FHIT: variants seen among roughly 807,000 people sequenced by gnomAD.
FHIT encodes bis(5'-adenosyl)-triphosphatase.
FHIT carries 19 observed loss-of-function variants against 17.9 expected under a neutral mutation model. The ratio of observed to expected loss-of-function variants is 1.06; its 90% confidence interval spans 0.74 to 1.56. The LOEUF is 1.56. FHIT is among the 40% of genes most tolerant of loss of function. The pLI, the probability that FHIT is intolerant of heterozygous loss-of-function variation, is 0.00. For synonymous variants in FHIT, 81 were observed against 69.7 expected (o/e 1.16, Z -0.81); for missense variants, 248 against 189.2 (o/e 1.31, Z -1.82).
intron 7 of FHIT, 58 bp from the exon 8 acceptor site, chr3:59,922,472 T>A: frequency 7.1e-7 from 1 of 1,413,992 alleles, no homozygotes; most frequent in Non-Finnish European, 1.0e-6. Context: ...TTTTTAGACT[T>A]GACAGTGATG....
chr3:60,964,635 C>T (rs1553782460), intron 3 of FHIT, among the ~76,000 whole-genome samples: 1 of 152,130 alleles, frequency 6.6e-6, no homozygotes. Context: ...CTGGTGGTGA[C>T]AAAGTCTCTC....
intron 5 of FHIT, among the ~76,000 whole-genome samples, chr3:60,112,980 T>C (rs1361810859): frequency 6.6e-6 from 1 of 152,190 alleles, no homozygotes; most frequent in Non-Finnish European, 1.5e-5. Context: ...AGATGGACAA[T>C]CTGTTGAGTG....
At chr3:60,746,544 G>C (rs1323794282) in intron 4 of FHIT, among the ~76,000 whole-genome samples, 1 of 152,134 alleles carries the variant, frequency 6.6e-6, no homozygotes, top group African/African-American at 2.4e-5. Context: ...AAAGCTCAGT[G>C]TCTGCCAATC....
intron 5 of FHIT, among the ~76,000 whole-genome samples, chr3:60,053,821 C>G (rs1701979068): frequency 6.6e-6 from 1 of 152,140 alleles, no homozygotes; most frequent in Non-Finnish European, 1.5e-5. Flanking sequence ...CATATAACCT[C>G]ACATGATGTT....
At chr3:60,569,865 C>T (rs915370509) in intron 4 of FHIT, among the ~76,000 whole-genome samples, 1 of 150,444 alleles carries the variant, frequency 6.6e-6, no homozygotes, top group East Asian at 2.0e-4. Context: ...GATTCTCCTG[C>T]CTCATATATA....
intron 2 of FHIT, among the ~76,000 whole-genome samples, chr3:61,184,662 T>G (rs1030293344): frequency 1.3e-5 from 2 of 152,084 alleles, no homozygotes; most frequent in African/African-American, 4.8e-5. Context: ...CTAGCTCACA[T>G]CTATTGTGAT....
intron 4 of FHIT, among the ~76,000 whole-genome samples, chr3:60,662,972 T>C (rs1304178715): frequency 2.0e-5 from 3 of 151,552 alleles, no homozygotes; most frequent in African/African-American, 7.3e-5. Flanking sequence ...TGCTCTAGCA[T>C]CATTTGTTGA....
intron 3 of FHIT, among the ~76,000 whole-genome samples, chr3:60,979,954 C>A (rs1441632029): frequency 6.6e-6 from 1 of 152,210 alleles, no homozygotes; most frequent in East Asian, 1.9e-4. Flanking sequence ...TCATGTGATT[C>A]AACCTCATCT....
At chr3:60,863,353 G>A (rs528301491) in intron 3 of FHIT, among the ~76,000 whole-genome samples, 62 of 152,282 alleles carry the variant, frequency 4.1e-4, no homozygotes, top group African/African-American at 1.4e-3. Flanking sequence ...CTGATACCTC[G>A]ATTTTAGCCC....
At chr3:61,180,659 C>T (rs971474459) in intron 2 of FHIT, among the ~76,000 whole-genome samples, 4 of 152,166 alleles carry the variant, frequency 2.6e-5, no homozygotes, top group African/African-American at 9.7e-5. Context: ...AAAACTGATG[C>T]TACCTCAAAA....
chr3:61,080,023 A>G (rs2035087435), intron 2 of FHIT, among the ~76,000 whole-genome samples: 1 of 152,322 alleles, frequency 6.6e-6, no homozygotes, highest in Non-Finnish European at 1.5e-5. Context: ...CTCTTAAAGT[A>G]TTTCATTTTT....
chr3:59,928,041 G>C (rs1421819691), intron 7 of FHIT, among the ~76,000 whole-genome samples: 1 of 152,046 alleles, frequency 6.6e-6, no homozygotes, highest in Non-Finnish European at 1.5e-5. Context: ...TCATGGCGGG[G>C]GAAAGAGCAA....
chr3:59,854,936 T>G (rs1419122696), intron 8 of FHIT, among the ~76,000 whole-genome samples: 1 of 152,216 alleles, frequency 6.6e-6, no homozygotes, highest in Non-Finnish European at 1.5e-5. Context: ...ATCCTTCCAC[T>G]GACAGGAAGC....
intron 8 of FHIT, among the ~76,000 whole-genome samples, chr3:59,868,708 T>C (rs1381378520): frequency 6.6e-6 from 1 of 152,188 alleles, no homozygotes; most frequent in Non-Finnish European, 1.5e-5. Context: ...ATCGATTTGC[T>C]TCTCTGGGTA....
At chr3:60,690,314 T>C (rs543061082) in intron 4 of FHIT, 90 of 564,002 alleles carry the variant, frequency 1.6e-4, no homozygotes, top group Admixed American at 7.0e-4. Context: ...ACAATATCCA[T>C]GCCTTCTTTC....
chr3:60,545,559 A>C (rs894686441), intron 4 of FHIT, among the ~76,000 whole-genome samples: 1 of 151,810 alleles, frequency 6.6e-6, no homozygotes, highest in African/African-American at 2.4e-5. Context: ...TTTTATTATC[A>C]CTCCGCTCTA....
At chr3:60,594,859 C>A (rs540174788) in intron 4 of FHIT, among the ~76,000 whole-genome samples, 1 of 152,236 alleles carries the variant, frequency 6.6e-6, no homozygotes, top group Admixed American at 6.5e-5. Flanking sequence ...GCAGCATCTT[C>A]ATCCTTCCCT....
chr3:60,486,849 T>C (rs1559485022), intron 5 of FHIT, among the ~76,000 whole-genome samples: 3 of 152,088 alleles, frequency 2.0e-5, no homozygotes, highest in African/African-American at 7.2e-5. Flanking sequence ...AAAGTCAGTT[T>C]AAACGTGCTT....
chr3:60,298,189 G>C lies in FHIT; in HGVS notation c.103+238671C>G, dbSNP rs1168039364. On this transcript the variant is annotated intron_variant, in intron 5 of 9. Coordinates refer to ENST00000492590, the MANE Select transcript of FHIT (RefSeq NM_002012.4). ...CCTGTCCTTTTCAGGTGTTTATGAA[G>C]CTTCATTTCTTATGCATGATTGATT... 1.3e-5 allele frequency among the ~76,000 whole-genome samples: 2 copies of C among 152,050 alleles called. 1 individual carries two copies. The highest frequency in any genetic ancestry group is 6.3e-3 in the Middle Eastern group (2 of 316).
Sources: allele counts gnomAD v4.1 joint callset (sites outside exome capture counted in the v4.1 genomes callset), GRCh38; gene constraint gnomAD v4.1.1; transcripts MANE v1.5; gene names NCBI Gene and HGNC (gene_info 2026-07-23, HGNC 2026-07-21).